The following TXNL4A variants were observed in gnomAD, a reference collection of about 807,000 sequenced individuals.
The protein encoded by TXNL4A is thioredoxin like 4A.
Under a neutral mutation model 14.6 loss-of-function variants are expected in TXNL4A, and 17 were observed. The observed-to-expected ratio is 1.16, with a 90% CI of 0.80 to 1.74. TXNL4A has a LOEUF of 1.74. TXNL4A is among the 40% of genes most tolerant of loss of function. The probability of loss-of-function intolerance (pLI) is 0.00; values close to 1 mark genes in which losing one functional copy is unlikely to be tolerated. For synonymous variants in TXNL4A, 83 were observed against 70.6 expected, an observed-to-expected ratio of 1.18 and a Z score of -0.88; for missense variants, 74 against 195.2, an observed-to-expected ratio of 0.38 and a Z score of 3.70.
At chr18:79,988,593 T>G (rs1057097724), upstream of TXNL4A, 6 of 450,788 alleles carry the variant, frequency 1.3e-5, no homozygotes, top group East Asian at 2.4e-4. Context: ...CCGTGCGTGC[T>G]GACGGCATGC....
chr18:80,024,885 C>T (rs1371964597), intron 1 of TXNL4A, among the ~76,000 whole-genome samples: 3 of 152,118 alleles, frequency 2.0e-5, no homozygotes, highest in Non-Finnish European at 4.4e-5. Flanking sequence ...CGACATATGT[C>T]CCGACTTCAT....
chr18:79,990,366 G>C (rs561595047), upstream of TXNL4A, among the ~76,000 whole-genome samples: 75 of 152,336 alleles, frequency 4.9e-4, no homozygotes, highest in Middle Eastern at 6.8e-3. Flanking sequence ...GTGGTTAACA[G>C]TGAGGGTTTT....
At chr18:80,012,553 T>C (rs2051776918) in intron 1 of TXNL4A, among the ~76,000 whole-genome samples, 3 of 152,206 alleles carry the variant, frequency 2.0e-5, no homozygotes, top group Admixed American at 2.0e-4. Context: ...TTGTGGTTCA[T>C]GAGAGTTTCA....
At chr18:80,028,269 C>T (rs2051898140) in intron 1 of TXNL4A, among the ~76,000 whole-genome samples, 1 of 149,362 alleles carries the variant, frequency 6.7e-6, no homozygotes. Flanking sequence ...CTGTACAAGT[C>T]TGTTGAAGAA....
At chr18:79,999,204 G>A (rs960119277) in intron 1 of TXNL4A, among the ~76,000 whole-genome samples, 1 of 152,048 alleles carries the variant, frequency 6.6e-6, no homozygotes, top group Non-Finnish European at 1.5e-5. Flanking sequence ...GCCTCCTCAG[G>A]GCAACCCATA....
intron 1 of TXNL4A, among the ~76,000 whole-genome samples, chr18:80,007,549 G>C (rs2051739795): frequency 6.6e-6 from 1 of 151,762 alleles, no homozygotes; most frequent in African/African-American, 2.4e-5. Flanking sequence ...GCCCAGGCCT[G>C]GTTTTGGGCC....
chr18:80,000,651 G>T (rs1319791704), intron 1 of TXNL4A, among the ~76,000 whole-genome samples: 2 of 152,022 alleles, frequency 1.3e-5, no homozygotes, highest in East Asian at 3.9e-4. Flanking sequence ...CAAATTTTTT[G>T]TTTGTTTGTT....
At chr18:80,021,871 G>A (rs2051851531) in intron 1 of TXNL4A, among the ~76,000 whole-genome samples, 2 of 152,152 alleles carry the variant, frequency 1.3e-5, no homozygotes, top group Non-Finnish European at 2.9e-5. Context: ...AACAGTTGTA[G>A]CCTGGCCAAT....
intron 1 of TXNL4A, among the ~76,000 whole-genome samples, chr18:80,025,078 T>G (rs563173510): frequency 6.6e-6 from 1 of 152,296 alleles, no homozygotes; most frequent in South Asian, 2.1e-4. Flanking sequence ...GATTCTAAGT[T>G]ACAATGACCT....
intron 1 of TXNL4A, among the ~76,000 whole-genome samples, chr18:79,985,255 T>A (rs1241605846): frequency 6.6e-6 from 1 of 152,132 alleles, no homozygotes; most frequent in African/African-American, 2.4e-5. Flanking sequence ...AGCTGCTAAA[T>A]AGAAAACTTT....
chr18:79,991,516 TA>T (rs2051628242), upstream of TXNL4A, among the ~76,000 whole-genome samples: 1 of 152,244 alleles, frequency 6.6e-6, no homozygotes, highest in Non-Finnish European at 1.5e-5. Flanking sequence ...ACTATTCCAT[TA>T]TATGGATATA....
At chr18:79,987,436 TA>T (rs547152782) in intron 1 of TXNL4A, among the ~76,000 whole-genome samples, 41 of 152,310 alleles carry the variant, frequency 2.7e-4, no homozygotes, top group Non-Finnish European at 4.3e-4. Flanking sequence ...TACTCTTCAT[TA>T]AAAGGAATAA....
upstream of TXNL4A, among the ~76,000 whole-genome samples, chr18:79,991,894 G>A (rs982044532): frequency 2.6e-5 from 4 of 152,208 alleles, no homozygotes; most frequent in Non-Finnish European, 5.9e-5. Context: ...TGCCCGAGGT[G>A]GTCGGGGCAC....
chr18:79,986,847 G>T, intron 1 of TXNL4A: 1 of 879,068 alleles, frequency 1.1e-6, no homozygotes, highest in Non-Finnish European at 1.4e-6. Flanking sequence ...TCAATTCTTC[G>T]CTGGATTTCC....
chr18:80,030,502 G>C (rs1172187856), intron 1 of TXNL4A: 1 of 152,206 alleles, frequency 6.6e-6, no homozygotes, highest in Non-Finnish European at 1.5e-5. Flanking sequence ...AAGAACACCT[G>C]CTTGATATGC....
At position 79,982,875 on chromosome 18, in the gene TXNL4A, A is replaced by G. The variant is rs2145074096; in HGVS notation, c.154-5174T>C. Among the ~76,000 whole-genome samples the G allele has an allele frequency of 6.6e-6, 1 of 152,322 alleles. No homozygotes were observed. Among genetic ancestry groups the G allele is most frequent in the South Asian group, 2.1e-4 (1 of 4,826 alleles). On this transcript the variant is annotated intron_variant, in intron 1 of 2. Transcript: ENST00000269601. The surrounding 1 kb of genome is among the most constrained non-coding windows in gnomAD (Gnocchi z 4.0). ...GGAGCATGAGCTGAGGGCAAACATC[A>G]GCAAACATCCAGCAGCATCTGCTGG...
intron 1 of TXNL4A, chr18:79,986,503 T>C (rs2051550649): frequency 1.1e-6 from 1 of 871,280 alleles, no homozygotes; most frequent in African/African-American, 1.8e-5. Flanking sequence ...CCACTATGTG[T>C]GTCCACTAGT....
chr18:79,991,107 C>CAAAAA (rs34442066), upstream of TXNL4A, among the ~76,000 whole-genome samples: 1 of 91,620 alleles, frequency 1.1e-5, no homozygotes, highest in Non-Finnish European at 2.1e-5. Context: ...GACTCCGTCT[C>CAAAAA]AAAAAAAAAA....
chr18:80,025,430 A>G lies in TXNL4A; in HGVS notation c.-61+8421T>C, dbSNP rs138116099. Reference sequence around the variant, plus strand: ...CTCCTTCATGTTTAACACTCGCTCAACAAAAGGCAGGCAGGAATCGGACTT... The same window carrying G: ...CTCCTTCATGTTTAACACTCGCTCAGCAAAAGGCAGGCAGGAATCGGACTT... On this transcript the variant is annotated intron_variant, in intron 1 of 2. Transcript: ENST00000585474. 4.7e-4 allele frequency among the ~76,000 whole-genome samples: 71 copies of G among 152,280 alleles called. No individual in the cohort carries two copies. The East Asian group carries it at 0.013, about 28-fold the overall frequency.
Sources: allele counts gnomAD v4.1 joint callset (sites outside exome capture counted in the v4.1 genomes callset), GRCh38; gene constraint gnomAD v4.1.1; non-coding constraint Gnocchi (gnomAD v3.1); transcripts MANE v1.5; gene names NCBI Gene and HGNC (gene_info 2026-07-23, HGNC 2026-07-21).